The following UNC13C variants were observed in gnomAD, a reference collection of about 807,000 sequenced individuals.
UNC13C encodes the protein unc-13 homolog C.
In UNC13C, 174 loss-of-function variants were observed where a neutral mutation model predicts 245.4. The ratio of observed to expected loss-of-function variants is 0.71; its 90% CI spans 0.63 to 0.80. The LOEUF is 0.80. Ranked by LOEUF, UNC13C falls within the 30% of genes least tolerant of loss-of-function variation. The probability of loss-of-function intolerance (pLI) is 0.00; values close to 1 mark genes in which losing one functional copy is unlikely to be tolerated. For missense variants in UNC13C, 2,829 were observed against 2,602.9 expected, an observed-to-expected ratio of 1.09 and a Z score of -1.89; for synonymous variants, 992 against 895.1, an observed-to-expected ratio of 1.11 and a Z score of -1.93.
chr15:54,170,337 A>G (rs1438018665), intron 4 of UNC13C, among the ~76,000 whole-genome samples: 1 of 152,144 alleles, frequency 6.6e-6, no homozygotes, highest in Non-Finnish European at 1.5e-5. Context: ...AAAAAAACAG[A>G]ATCATTTAGC....
chr15:53,969,305 G>A, the UNC13C span, among the ~76,000 whole-genome samples: 1 of 152,134 alleles, frequency 6.6e-6, no homozygotes, highest in South Asian at 2.1e-4. Context: ...AGATGCTCAG[G>A]GTGGAGAGAG....
At chr15:54,100,626 A>G (rs1318524497) in intron 2 of UNC13C, among the ~76,000 whole-genome samples, 1 of 152,102 alleles carries the variant, frequency 6.6e-6, no homozygotes, top group African/African-American at 2.4e-5. Flanking sequence ...CTCTGAGCTT[A>G]GTACGTCTAT....
the UNC13C span, among the ~76,000 whole-genome samples, chr15:53,859,457 C>T: frequency 6.6e-6 from 1 of 152,066 alleles, no homozygotes. Flanking sequence ...TTCTTATTCC[C>T]ACTGAAAACA....
intron 2 of UNC13C, among the ~76,000 whole-genome samples, chr15:54,042,009 G>A (rs1387336390): frequency 6.6e-6 from 1 of 152,122 alleles, no homozygotes; most frequent in Non-Finnish European, 1.5e-5. Flanking sequence ...ATTCCAGGTT[G>A]AGCATTCCTA....
intron 14 of UNC13C, among the ~76,000 whole-genome samples, chr15:54,323,275 C>T (rs1356407263): frequency 6.6e-6 from 1 of 151,930 alleles, no homozygotes; most frequent in Non-Finnish European, 1.5e-5. Flanking sequence ...AAGAGAAATG[C>T]ATGCGAGGTG....
intron 30 of UNC13C, among the ~76,000 whole-genome samples, chr15:54,568,305 G>T (rs1360096519): frequency 2.0e-5 from 3 of 151,900 alleles, no homozygotes; most frequent in Non-Finnish European, 4.4e-5. Context: ...TCTGGTCTTG[G>T]TATCTTCCAA....
intron 2 of UNC13C, among the ~76,000 whole-genome samples, chr15:54,018,113 A>C (rs1209991578): frequency 6.6e-6 from 1 of 152,140 alleles, no homozygotes; most frequent in African/African-American, 2.4e-5. Context: ...ATGCCTCTGA[A>C]GGAAGGACAG....
the UNC13C span, among the ~76,000 whole-genome samples, chr15:53,921,271 A>C: frequency 6.6e-6 from 1 of 152,182 alleles, no homozygotes; most frequent in Non-Finnish European, 1.5e-5. Context: ...CTACTATAAA[A>C]ACTGGTTCTA....
intron 29 of UNC13C, among the ~76,000 whole-genome samples, chr15:54,559,784 G>T (rs186489461): frequency 6.6e-6 from 1 of 151,952 alleles, no homozygotes; most frequent in Non-Finnish European, 1.5e-5. Flanking sequence ...ATGAGTGACC[G>T]AAGAGAAGGC....
chr15:54,551,857 C>T (rs1896749917), intron 28 of UNC13C, among the ~76,000 whole-genome samples: 1 of 151,734 alleles, frequency 6.6e-6, no homozygotes, highest in African/African-American at 2.4e-5. Context: ...ACCTGAAACT[C>T]CAGCTGGCAT....
intron 17 of UNC13C, among the ~76,000 whole-genome samples, chr15:54,367,575 C>A (rs190764921): frequency 1.3e-5 from 2 of 152,116 alleles, no homozygotes; most frequent in Non-Finnish European, 2.9e-5. Flanking sequence ...AAGGTATCTG[C>A]TCCATGAATA....
At chr15:53,843,561 A>G in the UNC13C span, among the ~76,000 whole-genome samples, 2 of 152,028 alleles carry the variant, frequency 1.3e-5, no homozygotes, top group Non-Finnish European at 2.9e-5. Flanking sequence ...GAGATTAGTA[A>G]TGCTGTTCAA....
At chr15:54,152,034 G>T (rs1438744958) in intron 4 of UNC13C, among the ~76,000 whole-genome samples, 1 of 152,148 alleles carries the variant, frequency 6.6e-6, no homozygotes, top group Non-Finnish European at 1.5e-5. Context: ...CTAGCATTTG[G>T]TAAGACCGTC....
rs191584449 is a variant in UNC13C, at chr15:54,188,969, G to A, written c.3071+45285G>A. On this transcript the variant is annotated intron_variant, in intron 4 of 32. Transcript: ENST00000260323. ...ACAATGCGTATGCTTACATAATACC[G>A]TTTTGGTAAAACCACATTAAAAATA... Among the ~76,000 whole-genome samples, 402 of 152,090 alleles carry A rather than the reference G, an allele frequency of 2.6e-3. 3 individuals are homozygous for A. Among genetic ancestry groups the A allele is most frequent in the African/African-American group, 9.4e-3 (390 of 41,500 alleles).
intron 19 of UNC13C, among the ~76,000 whole-genome samples, chr15:54,421,679 C>CCATTT (rs2040647257): frequency 6.6e-6 from 1 of 152,010 alleles, no homozygotes; most frequent in Non-Finnish European, 1.5e-5. Context: ...GCAAATGAAC[C>CCATTT]CATTTCATGA....
chr15:53,842,531 C>G, the UNC13C span, among the ~76,000 whole-genome samples: 2 of 152,128 alleles, frequency 1.3e-5, no homozygotes, highest in Non-Finnish European at 2.9e-5. Flanking sequence ...TGGATTAATT[C>G]AAGCCGGGCC....
chr15:54,273,351 CT>C (rs2036739820), intron 10 of UNC13C, among the ~76,000 whole-genome samples: 1 of 152,140 alleles, frequency 6.6e-6, no homozygotes, highest in African/African-American at 2.4e-5. Context: ...GTGTCCCTAT[CT>C]CCCTCCTTTC....
At position 54,015,134 on chromosome 15, in the gene UNC13C, C is replaced by A. The variant is rs146517963; in HGVS notation, c.2231C>A (p.Ala744Asp). ...GGCCAATATGATTCTTATCAGGGAG[C>A]TAATTCTAATGAGCTATACCAAAAT... ...WVGQYDSYQG[A>D]NSNELYQNQN... Residue 744 changes from alanine (A) to aspartate (D), a missense_variant, in exon 2 of 33, where the codon GCT becomes GAT. Transcript: ENST00000260323. 2.8e-4 allele frequency: 447 copies of A among 1,612,398 alleles called. 5 individuals carry two copies. The African/African-American group carries it at 5.1e-3, about 18-fold the overall frequency.
chr15:54,631,703 A>G (rs1901460148), downstream of UNC13C: 1 of 152,172 alleles, frequency 6.6e-6, no homozygotes, highest in African/African-American at 2.4e-5. Flanking sequence ...TTTTTGTTGA[A>G]TAGTACTGCA....
Sources: gnomAD v4.1 joint callset for allele counts (sites outside exome capture counted in the v4.1 genomes callset) on GRCh38, gnomAD v4.1.1 for gene constraint, MANE v1.5 for transcripts, NCBI Gene and HGNC (gene_info 2026-07-23, HGNC 2026-07-21) for gene names.